POLA1: variants seen among roughly 807,000 people sequenced by gnomAD.
The protein encoded by POLA1 is DNA polymerase alpha catalytic subunit.
Under a neutral mutation model 124.0 loss-of-function variants are expected in POLA1, and 15 were observed. The observed-to-expected ratio is 0.12, with a 90% CI of 0.08 to 0.19. The LOEUF is 0.19. Ranked by LOEUF, POLA1 falls within the 10% of genes least tolerant of loss-of-function variation. The probability of loss-of-function intolerance (pLI) is 1.00; values close to 1 mark genes in which losing one functional copy is unlikely to be tolerated. For synonymous variants in POLA1, 408 were observed against 389.4 expected, an observed-to-expected ratio of 1.05 and a Z score of -0.56; for missense variants, 886 against 1,103.4, an observed-to-expected ratio of 0.80 and a Z score of 2.79.
At chrX:24,694,032 C>G in intron 1 of POLA1, 28 bp downstream of exon 1, 1 of 1,155,085 alleles carries the variant, frequency 8.7e-7, no homozygotes. Flanking sequence ...GCGCGGGGCT[C>G]CGGGTTGGGA....
chrX:24,946,716 T>C (rs1428675787), intron 36 of POLA1, among the ~76,000 whole-genome samples: 1 of 111,991 alleles, frequency 8.9e-6, no homozygotes, highest in Non-Finnish European at 1.9e-5. Context: ...TACATTATAA[T>C]TATTTGAGGA....
intron 2 of POLA1, among the ~76,000 whole-genome samples, chrX:24,702,030 AG>A (rs1236755242): frequency 1.8e-5 from 2 of 108,718 alleles, no homozygotes; most frequent in Non-Finnish European, 1.9e-5. Flanking sequence ...CTGGGATTAC[AG>A]GCGTGAGCCA....
chrX:24,762,777 G>A (rs1218702604), intron 26 of POLA1, among the ~76,000 whole-genome samples: 2 of 109,591 alleles, frequency 1.8e-5, no homozygotes, highest in African/African-American at 3.3e-5. Flanking sequence ...TCGCTCTGTC[G>A]CCCAGGCTGG....
At chrX:24,753,317 C>CTATTTTATTTTATTTTATTT (rs368623044) in intron 26 of POLA1, among the ~76,000 whole-genome samples, 39 of 89,623 alleles carry the variant, frequency 4.4e-4, no homozygotes, top group African/African-American at 1.7e-3. Context: ...CACGCCAGGC[C>CTATTTTATTTTATTTTATTT]TATTTTATTT....
At chrX:24,922,255 T>G (rs1163402203) in intron 35 of POLA1, among the ~76,000 whole-genome samples, 1 of 108,435 alleles carries the variant, frequency 9.2e-6, no homozygotes, top group Non-Finnish European at 1.9e-5. Context: ...ATTTTTTTTT[T>G]TTTGTAGAGA....
intron 36 of POLA1, among the ~76,000 whole-genome samples, chrX:24,992,878 A>T (rs192145179): frequency 8.9e-6 from 1 of 112,835 alleles, no homozygotes; most frequent in East Asian, 2.8e-4. Flanking sequence ...ATAGAAAAGA[A>T]TGTAACTTTC....
At chrX:24,977,019 G>T (rs1469921293) in intron 36 of POLA1, among the ~76,000 whole-genome samples, 1 of 112,378 alleles carries the variant, frequency 8.9e-6, no homozygotes, top group Non-Finnish European at 1.9e-5. Flanking sequence ...TCTTAAATCA[G>T]TTCACACATA....
intron 36 of POLA1, among the ~76,000 whole-genome samples, chrX:24,948,965 T>A (rs1259367123): frequency 1.8e-5 from 2 of 112,206 alleles, no homozygotes; most frequent in African/African-American, 6.5e-5. Flanking sequence ...TATCATTTTC[T>A]TGCCTTTTTT....
chrX:24,879,659 A>T (rs376464413), intron 34 of POLA1, among the ~76,000 whole-genome samples: 1 of 111,967 alleles, frequency 8.9e-6, no homozygotes, highest in East Asian at 2.8e-4. Flanking sequence ...GTGACCTATT[A>T]TAGCCTAGGA....
At chrX:24,901,913 A>G (rs2047284935) in intron 35 of POLA1, among the ~76,000 whole-genome samples, 1 of 111,724 alleles carries the variant, frequency 9.0e-6, no homozygotes, top group South Asian at 3.8e-4. Context: ...TTAGGGGAAA[A>G]AAATGAGTTG....
Position 24,814,963 on chromosome X carries a change from T to C in POLA1, c.3297-16T>C. 9.3e-7 allele frequency: 1 copy of C among 1,075,039 alleles called. No individual in the cohort carries two copies. Among genetic ancestry groups the C allele is most frequent in the Non-Finnish European group, 1.2e-6 (1 of 831,088 alleles). The allele number at this position is 1,075,039 out of a possible 1,213,427, so 88.6% of individuals were successfully genotyped here. ...CAACTGCTGTCTTTGTTTTGTTTTT[T>C]TTTTTTTTTTTGCAGCTTTGTGATT... is the stretch of plus-strand genomic sequence containing the variant. On this transcript the variant is annotated splice_polypyrimidine_tract_variant and intron_variant, in intron 29 of 36. Coordinates refer to ENST00000379068, the MANE Select transcript of POLA1 (RefSeq NM_001330360.2).
chrX:24,845,368 T>C (rs902886510), intron 34 of POLA1, among the ~76,000 whole-genome samples: 1 of 111,975 alleles, frequency 8.9e-6, no homozygotes, highest in Non-Finnish European at 1.9e-5. Context: ...GGGTTAAAAA[T>C]TGATATGACT....
chrX:24,892,887 C>G (rs1163242543), intron 35 of POLA1, among the ~76,000 whole-genome samples: 2 of 112,068 alleles, frequency 1.8e-5, no homozygotes, highest in Non-Finnish European at 3.8e-5. Context: ...TCTAGTCCTA[C>G]TTTGAGAAAC....
At chrX:24,893,330 A>G (rs1431407079) in intron 35 of POLA1, among the ~76,000 whole-genome samples, 1 of 112,194 alleles carries the variant, frequency 8.9e-6, no homozygotes, top group Admixed American at 9.4e-5. Context: ...ATGCAAAGAG[A>G]TTACTAAATT....
chrX:24,817,896 T>G (rs2046019871), intron 30 of POLA1, among the ~76,000 whole-genome samples: 1 of 109,010 alleles, frequency 9.2e-6, no homozygotes, highest in East Asian at 2.9e-4. Context: ...AATGGAAGAG[T>G]CTATGTATGT....
chrX:24,707,065 A>AT (rs1928861392), intron 4 of POLA1, among the ~76,000 whole-genome samples: 1 of 111,978 alleles, frequency 8.9e-6, no homozygotes, highest in Non-Finnish European at 1.9e-5. Context: ...TAATGTGGAA[A>AT]TTTTCTACAC....
intron 35 of POLA1, among the ~76,000 whole-genome samples, chrX:24,905,023 CA>C (rs59707195): frequency 0.019 from 814 of 43,949 alleles, 6 homozygotes; most frequent in Admixed American, 0.033. Flanking sequence ...GACTCTGTCT[CA>C]AAAAAAAAAA....
intron 36 of POLA1, among the ~76,000 whole-genome samples, chrX:24,988,093 C>T (rs1441719920): frequency 8.9e-6 from 1 of 112,577 alleles, no homozygotes; most frequent in African/African-American, 3.2e-5. Context: ...ACTTTATCCC[C>T]AAAAGAACAA....
intron 32 of POLA1, among the ~76,000 whole-genome samples, chrX:24,834,111 GAAA>G (rs34596461): frequency 4.2e-5 from 3 of 71,399 alleles, no homozygotes; most frequent in Admixed American, 1.7e-4. Flanking sequence ...GTCTCAGAAA[GAAA>G]AAAAAAAAAA....
Sources: allele counts gnomAD v4.1 joint callset (sites outside exome capture counted in the v4.1 genomes callset), GRCh38; gene constraint gnomAD v4.1.1; transcripts MANE v1.5; gene names NCBI Gene and HGNC (gene_info 2026-07-23, HGNC 2026-07-21).